Variants in CDC73 observed in about 807,000 individuals in gnomAD.
CDC73 encodes parafibromin.
In CDC73, 21 loss-of-function variants were observed where a neutral mutation model predicts 83.7. The ratio of observed to expected loss-of-function variants is 0.25; its 90% CI spans 0.18 to 0.36. The LOEUF (loss-of-function observed/expected upper bound fraction) is 0.36, where lower values mean the gene tolerates loss of function less well. Ranked by LOEUF, CDC73 falls within the 10% of genes least tolerant of loss-of-function variation. CDC73 has a pLI of 1.00. For missense variants in CDC73, 342 were observed against 653.3 expected (o/e 0.52, Z 5.19); for synonymous variants, 224 against 212.9 (o/e 1.05, Z -0.45).
At chr1:193,122,436 A>T in intron 1 of CDC73, 105 bp downstream of exon 1, 1 of 1,436,296 alleles carries the variant, frequency 7.0e-7, no homozygotes, top group South Asian at 1.2e-5. Context: ...GGATGGGATA[A>T]AACGGGTGTT....
intron 10 of CDC73, among the ~76,000 whole-genome samples, chr1:193,175,579 G>T (rs1350923564): frequency 6.6e-6 from 1 of 152,186 alleles, no homozygotes; most frequent in African/African-American, 2.4e-5. Flanking sequence ...CAGAACGCCT[G>T]TGCTGAACAT....
intron 10 of CDC73, among the ~76,000 whole-genome samples, chr1:193,156,474 G>A (rs760476966): frequency 2.6e-5 from 4 of 152,114 alleles, no homozygotes; most frequent in African/African-American, 4.8e-5. Flanking sequence ...TTTGGGGAAC[G>A]ATTTTTTTTG....
chr1:193,230,064 A>G (rs1677634262), intron 13 of CDC73, among the ~76,000 whole-genome samples: 1 of 152,160 alleles, frequency 6.6e-6, no homozygotes, highest in Non-Finnish European at 1.5e-5. Context: ...TTGTATATTC[A>G]AAAATACACT....
intron 6 of CDC73, among the ~76,000 whole-genome samples, chr1:193,139,774 A>G (rs1675873375): frequency 6.6e-6 from 1 of 152,198 alleles, no homozygotes; most frequent in Admixed American, 6.5e-5. Context: ...TTATCTGAAC[A>G]TTGGTCAGCT....
At chr1:193,124,352 A>G (rs942274954) in intron 1 of CDC73, among the ~76,000 whole-genome samples, 1 of 151,980 alleles carries the variant, frequency 6.6e-6, no homozygotes, top group Admixed American at 6.6e-5. Flanking sequence ...ATTGGGTTTC[A>G]TAGTACAATA....
chr1:193,130,296 C>A, intron 3 of CDC73, 53 bp downstream of exon 3: 1 of 1,091,336 alleles, frequency 9.2e-7, no homozygotes, highest in Non-Finnish European at 1.4e-6. Flanking sequence ...TTTCTTTTTT[C>A]CCCTATGAAA....
intron 10 of CDC73, among the ~76,000 whole-genome samples, chr1:193,154,466 ATAC>A (rs1676174468): frequency 6.6e-6 from 1 of 152,210 alleles, no homozygotes; most frequent in African/African-American, 2.4e-5. Context: ...TGTTCTAAAT[ATAC>A]TGAAAGAGGT....
chr1:193,211,402 C>T lies in CDC73; in HGVS notation c.1031-663C>T, dbSNP rs544025241. Among the ~76,000 whole-genome samples, 32 of 152,234 alleles carry T rather than the reference C, an allele frequency of 2.1e-4. 1 individual carries two copies. The East Asian group carries it at 4.6e-3, about 22-fold the overall frequency. On this transcript the variant is annotated intron_variant, in intron 11 of 16. Coordinates refer to ENST00000367435, the MANE Select transcript of CDC73 (RefSeq NM_024529.5). ...TTTTTATCGTAGATGTTAGCAACCT[C>T]GGGATGTGATTTTATTTTTTTCTCT...
At chr1:193,144,526 G>C (rs1675961622) in intron 7 of CDC73, among the ~76,000 whole-genome samples, 1 of 152,140 alleles carries the variant, frequency 6.6e-6, no homozygotes, top group Admixed American at 6.5e-5. Flanking sequence ...ACAATCAATG[G>C]TTGGTAAAAC....
intron 10 of CDC73, among the ~76,000 whole-genome samples, chr1:193,188,203 T>C (rs1676853280): frequency 1.3e-5 from 2 of 152,322 alleles, no homozygotes; most frequent in African/African-American, 2.4e-5. Context: ...AATGGCTCTT[T>C]TCTAATAATT....
intron 2 of CDC73, chr1:193,128,274 C>T (rs560740648): frequency 2.6e-5 from 4 of 152,098 alleles, no homozygotes; most frequent in African/African-American, 7.2e-5. Flanking sequence ...TATGATATTC[C>T]ATATAGACTG....
At position 193,204,245 on chromosome 1, in the gene CDC73, ATATGTGTATGTG is replaced by A. The variant is rs1201463659; in HGVS notation, c.1030+395_1030+406del. Among the ~76,000 whole-genome samples, 1,249 of 135,450 alleles carry A rather than the reference ATATGTGTATGTG, an allele frequency of 9.2e-3. 15 individuals are homozygous for A. The highest frequency in any genetic ancestry group is 0.033 in the South Asian group (136 of 4,172). 88.9% of individuals were successfully genotyped at this position (135,450 alleles called of 152,430 possible). A position where few individuals can be genotyped will look rare whatever the true frequency, so the allele number is the denominator to read the frequency against. On this transcript the variant is annotated intron_variant, in intron 11 of 16. Coordinates refer to ENST00000367435, the MANE Select transcript of CDC73 (RefSeq NM_024529.5). ...TATATATGTATATATACACGTATAT[ATATGTGTATGTG>A]TGTGTGTGTGTGTGTGTGTGTATAT... is the stretch of plus-strand genomic sequence containing the variant.
intron 11 of CDC73, among the ~76,000 whole-genome samples, chr1:193,206,893 T>C (rs1191707786): frequency 1.3e-5 from 2 of 152,220 alleles, no homozygotes; most frequent in Non-Finnish European, 2.9e-5. Flanking sequence ...ACTTTAAACC[T>C]ATAAAGCTCT....
intron 10 of CDC73, among the ~76,000 whole-genome samples, chr1:193,184,066 A>G (rs1041671608): frequency 1.3e-5 from 2 of 151,872 alleles, no homozygotes; most frequent in African/African-American, 4.8e-5. Flanking sequence ...GTAATGTAGC[A>G]TAAATACATA....
rs1677887165 is a variant in CDC73, at chr1:193,242,928, T to G, written c.1417+6572T>G. 2.0e-5 allele frequency among the ~76,000 whole-genome samples: 3 copies of G among 151,966 alleles called. No homozygotes were observed. The South Asian group carries it at 6.2e-4, about 31-fold the overall frequency. ...AAAACTGGCTTCTTACAAAAGAACT[T>G]TATTTCTTTTTCTTCTTCTTCTTCT... is the stretch of plus-strand genomic sequence containing the variant. On this transcript the variant is annotated intron_variant, in intron 15 of 16. Coordinates refer to ENST00000367435, the MANE Select transcript of CDC73 (RefSeq NM_024529.5).
At chr1:193,203,291 T>C (rs1428694951) in intron 10 of CDC73, among the ~76,000 whole-genome samples, 2 of 152,138 alleles carry the variant, frequency 1.3e-5, no homozygotes, top group African/African-American at 4.8e-5. Flanking sequence ...CTCTTCTTTA[T>C]AAATGTGATT....
chr1:193,131,962 C>T (rs1246512359), intron 3 of CDC73, among the ~76,000 whole-genome samples: 1 of 152,114 alleles, frequency 6.6e-6, no homozygotes, highest in Non-Finnish European at 1.5e-5. Context: ...TCTGTCTTTC[C>T]CATTAGAAGG....
At chr1:193,196,166 A>G (rs1468540439) in intron 10 of CDC73, among the ~76,000 whole-genome samples, 1 of 152,216 alleles carries the variant, frequency 6.6e-6, no homozygotes, top group South Asian at 2.1e-4. Context: ...TTAAATTTGT[A>G]TATAGTTTAA....
intron 2 of CDC73, among the ~76,000 whole-genome samples, chr1:193,129,561 C>T (rs1675655050): frequency 6.6e-6 from 1 of 150,856 alleles, no homozygotes; most frequent in Non-Finnish European, 1.5e-5. Flanking sequence ...GGCCGGAGTG[C>T]AGTGGTGCAG....
Sources: allele counts gnomAD v4.1 joint callset (sites outside exome capture counted in the v4.1 genomes callset), GRCh38; gene constraint gnomAD v4.1.1; transcripts MANE v1.5; gene names NCBI Gene and HGNC (gene_info 2026-07-23, HGNC 2026-07-21).